Variants in DPF3 observed in about 807,000 individuals in gnomAD.
DPF3 encodes the protein zinc finger protein DPF3.
In DPF3, 18 loss-of-function variants were observed where a neutral mutation model predicts 56.8. The ratio of observed to expected loss-of-function variants is 0.32; its 90% CI spans 0.22 to 0.47. The LOEUF is 0.47. Ranked by LOEUF, DPF3 falls within the 20% of genes least tolerant of loss-of-function variation. The pLI, the probability that DPF3 is intolerant of heterozygous loss-of-function variation, is 1.00. For synonymous variants in DPF3, 188 were observed against 180.2 expected, an observed-to-expected ratio of 1.04 and a Z score of -0.35; for missense variants, 403 against 488.8, an observed-to-expected ratio of 0.82 and a Z score of 1.65.
chr14:72,803,838 T>G (rs561765133), intron 1 of DPF3, among the ~76,000 whole-genome samples: 1 of 152,256 alleles, frequency 6.6e-6, no homozygotes, highest in East Asian at 1.9e-4. Flanking sequence ...TCTGAACAAC[T>G]CAAATAAGAA....
chr14:72,828,537 T>TAAAAAAAAAAAAAAAAACAA (rs3058950), intron 1 of DPF3, among the ~76,000 whole-genome samples: 5 of 86,988 alleles, frequency 5.7e-5, no homozygotes, highest in Non-Finnish European at 8.7e-5. Context: ...GACCATGTCT[T>TAAAAAAAAAAAAAAAAACAA]AAAAAAAAAA....
intron 7 of DPF3, among the ~76,000 whole-genome samples, chr14:72,681,738 A>G (rs1264319737): frequency 1.3e-5 from 2 of 152,174 alleles, no homozygotes; most frequent in Non-Finnish European, 2.9e-5. Flanking sequence ...ATTTGGTGAG[A>G]GTTGTAATTT....
chr14:72,740,267 C>A (rs918207236), intron 3 of DPF3, among the ~76,000 whole-genome samples: 18 of 152,218 alleles, frequency 1.2e-4, no homozygotes, highest in Admixed American at 1.0e-3. Context: ...AATGCAATGG[C>A]AAGCCGCTGG....
intron 1 of DPF3, among the ~76,000 whole-genome samples, chr14:72,793,358 T>A (rs1892516105): frequency 6.6e-6 from 1 of 152,210 alleles, no homozygotes; most frequent in Non-Finnish European, 1.5e-5. Flanking sequence ...ACTTGCTTTC[T>A]CTTCATTGTA....
rs1599483033 is a variant in DPF3, at chr14:72,834,559, A to C, written c.32+59498T>G. 2.0e-5 allele frequency among the ~76,000 whole-genome samples: 3 copies of C among 152,130 alleles called. 1 individual carries two copies. Among genetic ancestry groups the C allele is most frequent in the Admixed American group, 2.0e-4 (3 of 15,264 alleles). ...CCTGGTGGGATGGCTAGAGTCACAA[A>C]GAGGTAGAGGAACTGGACCCCCCAT... On this transcript the variant is annotated intron_variant, in intron 1 of 10. Coordinates refer to ENST00000556509, the MANE Select transcript of DPF3 (RefSeq NM_001280542.3).
intron 2 of DPF3, among the ~76,000 whole-genome samples, chr14:72,767,759 G>GCA (rs1555504998): frequency 0.022 from 293 of 13,570 alleles, 1 homozygote; most frequent in African/African-American, 0.051. Context: ...CCCAAATTTG[G>GCA]CAAAAAAAAA....
chr14:72,656,119 CAA>C (rs1886055822), intron 8 of DPF3, among the ~76,000 whole-genome samples: 1 of 152,190 alleles, frequency 6.6e-6, no homozygotes, highest in Non-Finnish European at 1.5e-5. Flanking sequence ...TTCTTTTCCC[CAA>C]GTTAAACAAC....
chr14:72,879,592 G>A (rs1886247663), intron 1 of DPF3, among the ~76,000 whole-genome samples: 1 of 152,182 alleles, frequency 6.6e-6, no homozygotes, highest in Non-Finnish European at 1.5e-5. Context: ...TCCAGAAGAT[G>A]ACAGATGTGC....
intron 3 of DPF3, among the ~76,000 whole-genome samples, chr14:72,732,895 C>G (rs1889726730): frequency 6.6e-6 from 1 of 151,350 alleles, no homozygotes; most frequent in African/African-American, 2.4e-5. Flanking sequence ...CTTTCTCTCT[C>G]CCTTCTTTCT....
chr14:72,796,190 T>C (rs1254381695), intron 1 of DPF3, among the ~76,000 whole-genome samples: 1 of 152,222 alleles, frequency 6.6e-6, no homozygotes, highest in Non-Finnish European at 1.5e-5. Flanking sequence ...ATGTAACTTA[T>C]CTGAGCATCC....
intron 7 of DPF3, among the ~76,000 whole-genome samples, chr14:72,684,941 G>A (rs1054166589): frequency 7.9e-5 from 12 of 152,134 alleles, no homozygotes; most frequent in South Asian, 2.1e-4. Context: ...CTCTCCACCC[G>A]TACACACCAA....
chr14:72,860,861 C>T (rs867324384), intron 1 of DPF3, among the ~76,000 whole-genome samples: 24 of 152,150 alleles, frequency 1.6e-4, no homozygotes, highest in African/African-American at 4.6e-4. Context: ...CCACCACGCC[C>T]GGCAGCTTAA....
intron 1 of DPF3, among the ~76,000 whole-genome samples, chr14:72,884,953 T>TATATATACAC (rs1555516748): frequency 1.4e-5 from 1 of 73,780 alleles, no homozygotes; most frequent in Non-Finnish European, 2.9e-5. Context: ...TATATATATA[T>TATATATACAC]ATATATATAT....
chr14:72,759,694 G>A lies in DPF3; in HGVS notation c.194-6323C>T, dbSNP rs182267114. Among the ~76,000 whole-genome samples, 465 of 152,176 alleles carry A rather than the reference G, an allele frequency of 3.1e-3. 3 individuals carry two copies. The highest frequency in any genetic ancestry group is 4.7e-3 in the Non-Finnish European group (319 of 68,006). ...AGGTCTAAGCAGCTCAATAAAGCTAGGTACAATAAACATTAAGAAAACTAC... is the reference window on the plus strand; with the variant it reads ...AGGTCTAAGCAGCTCAATAAAGCTAAGTACAATAAACATTAAGAAAACTAC... On this transcript the variant is annotated intron_variant, in intron 2 of 10. Transcript: ENST00000556509.
chr14:72,850,012 G>A (rs1316270246), intron 1 of DPF3, among the ~76,000 whole-genome samples: 1 of 152,040 alleles, frequency 6.6e-6, no homozygotes, highest in East Asian at 1.9e-4. Flanking sequence ...CCAGCTCCTT[G>A]GGAGGCTGAG....
At chr14:72,639,961 A>G (rs935464229) in intron 8 of DPF3, among the ~76,000 whole-genome samples, 1 of 150,744 alleles carries the variant, frequency 6.6e-6, no homozygotes, top group Admixed American at 6.7e-5. Context: ...GAAGCAATAA[A>G]TAATGCTGGA....
At chr14:72,749,574 T>C (rs950260123) in intron 3 of DPF3, among the ~76,000 whole-genome samples, 4 of 152,214 alleles carry the variant, frequency 2.6e-5, no homozygotes. Context: ...CAGAATGATA[T>C]GGCTTGGCTC....
intron 9 of DPF3, among the ~76,000 whole-genome samples, chr14:72,624,531 G>A (rs1324139616): frequency 6.6e-6 from 1 of 151,910 alleles, no homozygotes; most frequent in Non-Finnish European, 1.5e-5. Context: ...TAGAGACAGG[G>A]CTTCACCAAG....
At chr14:72,638,856 G>A (rs367953472) in intron 8 of DPF3, among the ~76,000 whole-genome samples, 30 of 140,944 alleles carry the variant, frequency 2.1e-4, no homozygotes, top group East Asian at 1.7e-3. Context: ...TTGATCTGTC[G>A]TCCATGCTGG....
Sources: gnomAD v4.1 joint callset for allele counts (sites outside exome capture counted in the v4.1 genomes callset) on GRCh38, gnomAD v4.1.1 for gene constraint, MANE v1.5 for transcripts, NCBI Gene and HGNC (gene_info 2026-07-23, HGNC 2026-07-21) for gene names.